Variants in ZBTB20 observed in about 807,000 individuals in gnomAD.
ZBTB20 encodes zinc finger and BTB domain containing 20.
ZBTB20 carries 9 observed loss-of-function variants against 56.9 expected under a neutral mutation model. The observed-to-expected ratio is 0.16, with a 90% CI of 0.10 to 0.28. The LOEUF (loss-of-function observed/expected upper bound fraction) is 0.28, where lower values mean the gene tolerates loss of function less well. ZBTB20 is among the 10% of genes least tolerant of loss of function. The pLI, the probability that ZBTB20 is intolerant of heterozygous loss-of-function variation, is 1.00. For synonymous variants in ZBTB20, 417 were observed against 420.7 expected (o/e 0.99, Z 0.11); for missense variants, 655 against 1,003.0 (o/e 0.65, Z 4.69).
At chr3:115,112,831 A>G (rs1354874278) in intron 1 of ZBTB20, among the ~76,000 whole-genome samples, 1 of 152,164 alleles carries the variant, frequency 6.6e-6, no homozygotes, top group Non-Finnish European at 1.5e-5. Context: ...AGAGATTGCA[A>G]TAGAGAGATC....
chr3:114,928,936 A>T (rs1313303838), intron 3 of ZBTB20, among the ~76,000 whole-genome samples: 1 of 152,222 alleles, frequency 6.6e-6, no homozygotes, highest in Non-Finnish European at 1.5e-5. Context: ...ACTCAGATAA[A>T]CATTTATTAA....
At chr3:115,105,666 G>T (rs10934281) in intron 1 of ZBTB20, among the ~76,000 whole-genome samples, 3,633 of 152,168 alleles carry the variant, frequency 0.024, 75 homozygotes, top group Non-Finnish European at 0.031. Context: ...CTTAAAGGTT[G>T]CATAGTTCAA....
intron 3 of ZBTB20, among the ~76,000 whole-genome samples, chr3:114,967,407 C>T (rs1346681725): frequency 3.3e-5 from 5 of 152,130 alleles, no homozygotes; most frequent in Non-Finnish European, 7.4e-5. Context: ...CTGTGTTTAC[C>T]TAAACTGACC....
intron 1 of ZBTB20, among the ~76,000 whole-genome samples, chr3:115,080,325 A>G (rs904286793): frequency 2.6e-5 from 4 of 152,202 alleles, no homozygotes; most frequent in African/African-American, 9.7e-5. Context: ...GACACTCAGA[A>G]TAAGCTGTCC....
chr3:114,410,970 C>A (rs2087889633), intron 7 of ZBTB20, among the ~76,000 whole-genome samples: 1 of 152,074 alleles, frequency 6.6e-6, no homozygotes, highest in Middle Eastern at 3.2e-3. Flanking sequence ...TCCAGGGACA[C>A]ATCGAGTTAG....
At chr3:114,431,402 A>G (rs1415948798) in intron 7 of ZBTB20, among the ~76,000 whole-genome samples, 1 of 152,212 alleles carries the variant, frequency 6.6e-6, no homozygotes, top group Non-Finnish European at 1.5e-5. Context: ...CATTACGTAT[A>G]AAAACGATTA....
intron 6 of ZBTB20, among the ~76,000 whole-genome samples, chr3:114,642,447 GA>G (rs1194248306): frequency 6.6e-6 from 1 of 151,974 alleles, no homozygotes; most frequent in Non-Finnish European, 1.5e-5. Flanking sequence ...TGCTCAGGGT[GA>G]AAAAAGGAAA....
chr3:114,419,768 A>C (rs757571501), intron 7 of ZBTB20, among the ~76,000 whole-genome samples: 9 of 152,152 alleles, frequency 5.9e-5, no homozygotes, highest in Non-Finnish European at 1.3e-4. Flanking sequence ...AAAGAGAATA[A>C]ATGAAATCCG....
chr3:114,964,524 A>G (rs2077573615), intron 3 of ZBTB20, among the ~76,000 whole-genome samples: 1 of 152,222 alleles, frequency 6.6e-6, no homozygotes, highest in Admixed American at 6.5e-5. Flanking sequence ...TAGAGGATAA[A>G]TAAGGCCTCT....
chr3:114,967,070 A>G (rs1176368103), intron 3 of ZBTB20, among the ~76,000 whole-genome samples: 1 of 152,194 alleles, frequency 6.6e-6, no homozygotes, highest in East Asian at 1.9e-4. Flanking sequence ...TTTCTAAAAT[A>G]CTTAAAATAC....
At chr3:114,697,837 C>G (rs1391011197) in intron 5 of ZBTB20, among the ~76,000 whole-genome samples, 1 of 152,020 alleles carries the variant, frequency 6.6e-6, no homozygotes, top group Non-Finnish European at 1.5e-5. Context: ...AGAAACAGTT[C>G]TAATGACTGG....
intron 5 of ZBTB20, among the ~76,000 whole-genome samples, chr3:114,724,675 G>T (rs563719557): frequency 2.0e-5 from 3 of 152,222 alleles, no homozygotes; most frequent in African/African-American, 7.2e-5. Context: ...TAACTAGAAT[G>T]CCTGGCACAC....
intron 11 of ZBTB20, among the ~76,000 whole-genome samples, chr3:114,349,003 C>A (rs190260213): frequency 3.9e-5 from 6 of 151,944 alleles, no homozygotes; most frequent in African/African-American, 1.4e-4. Context: ...AGTTTGAGAC[C>A]ATCTTAGGCA....
At chr3:114,872,507 G>A (rs752677097) in intron 4 of ZBTB20, among the ~76,000 whole-genome samples, 1 of 152,028 alleles carries the variant, frequency 6.6e-6, no homozygotes, top group African/African-American at 2.4e-5. Context: ...CTGTAAAGAT[G>A]TAATGGGAGA....
intron 5 of ZBTB20, among the ~76,000 whole-genome samples, chr3:114,724,075 GT>G (rs2065104833): frequency 6.6e-6 from 1 of 151,312 alleles, no homozygotes; most frequent in Non-Finnish European, 1.5e-5. Context: ...GGGTTTCACC[GT>G]GTTAGCCAGG....
intron 4 of ZBTB20, among the ~76,000 whole-genome samples, chr3:114,817,586 T>C (rs927920867): frequency 3.3e-5 from 5 of 151,770 alleles, no homozygotes; most frequent in Admixed American, 1.3e-4. Context: ...TATACACACA[T>C]GCAGAGGCAT....
chr3:114,793,682 T>C (rs1341787039), intron 5 of ZBTB20, among the ~76,000 whole-genome samples: 1 of 152,098 alleles, frequency 6.6e-6, no homozygotes, highest in Non-Finnish European at 1.5e-5. Flanking sequence ...GAAAACTAAC[T>C]AGCATCCAAG....
chr3:114,351,231 C>G lies in ZBTB20; in HGVS notation c.847G>C (p.Glu283Gln), dbSNP rs775652763. Residue 283 changes from glutamate to glutamine, a missense_variant, in exon 11 of 12, where the codon GAA becomes CAA. Coordinates refer to ENST00000675478, the MANE Select transcript of ZBTB20 (RefSeq NM_001348800.3). ...ATGCGTGTGATCCAGCTGGGGTCTTCCATGTGGTGGTCGCGGGGCAGGCCG... is the reference window on the plus strand; with the variant it reads ...ATGCGTGTGATCCAGCTGGGGTCTTGCATGTGGTGGTCGCGGGGCAGGCCG... ...ALGLPRDHHM[E>Q]DPSWITRIHE... 1 of 1,600,932 alleles carries G rather than the reference C, an allele frequency of 6.2e-7. No individual in the cohort carries two copies. Among genetic ancestry groups the G allele is most frequent in the East Asian group, 2.2e-5 (1 of 44,702 alleles).
chr3:114,445,314 G>A (rs755790883), intron 7 of ZBTB20, among the ~76,000 whole-genome samples: 3 of 152,096 alleles, frequency 2.0e-5, no homozygotes, highest in Non-Finnish European at 2.9e-5. Flanking sequence ...TTCCACATCT[G>A]TTAATTTTGC....
Sources: allele counts gnomAD v4.1 joint callset (sites outside exome capture counted in the v4.1 genomes callset), GRCh38; gene constraint gnomAD v4.1.1; transcripts MANE v1.5; gene names NCBI Gene and HGNC (gene_info 2026-07-23, HGNC 2026-07-21).